SYTL2: variants seen among roughly 807,000 people sequenced by gnomAD.
SYTL2 encodes the protein synaptotagmin like 2.
A neutral mutation model predicts 198.7 loss-of-function variants in SYTL2; 165 were observed. That is an observed-to-expected ratio of 0.83 (90% CI 0.73 to 0.94). The LOEUF (loss-of-function observed/expected upper bound fraction) is 0.94, where lower values mean the gene tolerates loss of function less well. SYTL2 is among the 40% of genes least tolerant of loss of function. The pLI is 0.00. For missense variants in SYTL2, 2,835 were observed against 2,582.8 expected, an observed-to-expected ratio of 1.10 and a Z score of -2.12; for synonymous variants, 966 against 917.7, an observed-to-expected ratio of 1.05 and a Z score of -0.95.
chr11:85,834,772 T>C, the SYTL2 span, among the ~76,000 whole-genome samples: 2 of 148,490 alleles, frequency 1.3e-5, no homozygotes, highest in East Asian at 1.9e-4. Flanking sequence ...TTTTTTTTTT[T>C]CTTTTTTGAG....
rs777944589 is a variant in SYTL2, at chr11:85,724,440, C to T, written c.4918G>A (p.Gly1640Arg). 14 of 1,611,490 alleles carry T rather than the reference C, an allele frequency of 8.7e-6. No individual in the cohort carries two copies. Among genetic ancestry groups the T allele is most frequent in the Non-Finnish European group, 1.2e-5 (14 of 1,179,144 alleles). Residue 1640 changes from glycine to arginine, a missense_variant, in exon 8 of 20, where the codon GGA becomes AGA. By Grantham distance (125) the Gly-to-Arg change is moderately radical. This residue lies in a region of SYTL2 where 2,645 missense variants were observed against 2,381.7 expected (regional missense o/e 1.11). Transcript: ENST00000359152. ...AAATCAGTCACAAGTGCGTCTCCTC[C>T]CAACATTTTATCACATTGGTTGACT... ...SQVNQCDKML[G>R]GDALVTDLLV...
intron 1 of SYTL2, among the ~76,000 whole-genome samples, chr11:85,798,074 G>A (rs922267889): frequency 6.6e-6 from 1 of 151,350 alleles, no homozygotes; most frequent in Non-Finnish European, 1.5e-5. Context: ...GGCCAGACTG[G>A]TTTCAAACTC....
intron 1 of SYTL2, among the ~76,000 whole-genome samples, chr11:85,807,094 C>T (rs1423702347): frequency 2.0e-5 from 3 of 152,238 alleles, no homozygotes; most frequent in African/African-American, 7.2e-5. Flanking sequence ...CAAGCCTCTG[C>T]CTTGCTTAGG....
the SYTL2 span, among the ~76,000 whole-genome samples, chr11:85,834,627 C>T: frequency 6.6e-6 from 1 of 152,076 alleles, no homozygotes; most frequent in South Asian, 2.1e-4. Context: ...ATACTCAATA[C>T]TTTATTATAA....
At chr11:85,822,249 G>A in the SYTL2 span, among the ~76,000 whole-genome samples, 3,234 of 152,164 alleles carry the variant, frequency 0.021, 125 homozygotes, top group African/African-American at 0.073. Flanking sequence ...CAATGATCTC[G>A]GACTCCTAGT....
In SYTL2 at chr11:85,709,396, C is replaced by A. The variant is rs763098120; in HGVS notation, c.5850G>T (p.Leu1950Phe). The A allele has an allele frequency of 6.2e-7, 1 of 1,614,144 alleles. No individual in the cohort carries two copies. Among genetic ancestry groups the A allele is most frequent in the South Asian group, 1.1e-5 (1 of 91,076 alleles). Residue 1950 changes from leucine to phenylalanine, a missense_variant, in exon 14 of 20, where the codon TTG becomes TTT. Leu to Phe is a conservative substitution (Grantham distance 22). Around this residue, in one of 3 missense-constraint regions of SYTL2, gnomAD observed 2,645 missense variants for 2,381.7 expected, o/e 1.11. Transcript: ENST00000359152. Reference protein sequence around the residue: ...AIEYVESLKELHVFVAQCKDL... With the variant: ...AIEYVESLKEFHVFVAQCKDL... ...CCTTACACTGGGCCACAAAAACATG[C>A]AACTCCTTCAGTGACTCCACATATT...
At position 85,714,425 on chromosome 11, in the gene SYTL2, A is replaced by T. The variant is rs1178374621; in HGVS notation, c.5613T>A (p.Phe1871Leu). 6.2e-7 allele frequency: 1 copy of T among 1,613,180 alleles called. No homozygotes were observed. The highest frequency in any genetic ancestry group is 1.1e-5 in the South Asian group (1 of 91,054). Reference sequence around the variant, plus strand: ...AAGACAAACTTGCCTCATCTTGGAGAAATGCTGGAACAGACTTGCTCATCC... The same window carrying T: ...AAGACAAACTTGCCTCATCTTGGAGTAATGCTGGAACAGACTTGCTCATCC... ...LKRMSKSVPAFLQDESDDRET... is the reference protein window; with the variant it reads ...LKRMSKSVPALLQDESDDRET... The change falls in exon 12 of 20, where the codon TTT (phenylalanine) becomes TTA (leucine). Residue 1871 changes from phenylalanine to leucine, a missense_variant. Physicochemically the swap from Phe to Leu is conservative, Grantham distance 22. Coordinates refer to ENST00000359152, the MANE Select transcript of SYTL2 (RefSeq NM_206927.4).
chr11:85,728,143 C>A, intron 7 of SYTL2, 176 bp from the exon 8 acceptor site: 1 of 577,684 alleles, frequency 1.7e-6, no homozygotes, highest in Non-Finnish European at 2.9e-6. Context: ...AGGTATTCTA[C>A]CAAAGGTGCC....
intron 1 of SYTL2, among the ~76,000 whole-genome samples, chr11:85,780,209 G>C (rs569726356): frequency 1.3e-5 from 2 of 152,288 alleles, no homozygotes; most frequent in African/African-American, 4.8e-5. Flanking sequence ...TCTTTCAATA[G>C]TGCTTATGCT....
Position 85,727,510 on chromosome 11 carries a change from C to T in SYTL2, c.1848G>A (p.Met616Ile). 1 of 1,536,028 alleles carries T rather than the reference C, an allele frequency of 6.5e-7. No homozygotes were observed. Among genetic ancestry groups the T allele is most frequent in the Non-Finnish European group, 8.7e-7 (1 of 1,146,880 alleles). The part of the protein sequence containing the change: ...DNNVNIKSKF[M>I]NLSQKGTPKE... ...TTGGGGTGCCTTTTTGGGACAAATT[C>T]ATGAATTTGGATTTGATATTCACAT... The change falls in exon 8 of 20, where the codon ATG becomes ATA. Residue 616 changes from methionine to isoleucine, a missense_variant. By Grantham distance (10) the Met-to-Ile change is conservative. Around this residue, in one of 3 missense-constraint regions of SYTL2, gnomAD observed 2,645 missense variants for 2,381.7 expected, o/e 1.11. Transcript: ENST00000359152.
the SYTL2 span, among the ~76,000 whole-genome samples, chr11:85,837,687 C>T: frequency 6.6e-6 from 1 of 152,180 alleles, no homozygotes; most frequent in Non-Finnish European, 1.5e-5. Flanking sequence ...ACTGCTATGA[C>T]TCCAAATCTG....
At chr11:85,845,088 C>T in the SYTL2 span, among the ~76,000 whole-genome samples, 1 of 152,212 alleles carries the variant, frequency 6.6e-6, no homozygotes, top group African/African-American at 2.4e-5. Context: ...CAAGTTCCTG[C>T]TCATTGTCAA....
chr11:85,787,323 T>C (rs1160232930), intron 1 of SYTL2, among the ~76,000 whole-genome samples: 1 of 152,218 alleles, frequency 6.6e-6, no homozygotes, highest in African/African-American at 2.4e-5. Flanking sequence ...AGATGATCAC[T>C]AAATGTTTTC....
rs558762355 is a variant in SYTL2 at position 85,808,224 on chromosome 11, G to A, written c.-390+2730C>T. ...TGGGACTACAGGCGCATGCCACCACGCGCAGCTAAGTTTTGTATTTTTAGT... is the reference window on the plus strand; with the variant it reads ...TGGGACTACAGGCGCATGCCACCACACGCAGCTAAGTTTTGTATTTTTAGT... On this transcript the variant is annotated intron_variant, in intron 1 of 19. Coordinates refer to ENST00000359152, the MANE Select transcript of SYTL2 (RefSeq NM_206927.4). Among the ~76,000 whole-genome samples the A allele has an allele frequency of 1.8e-4, 28 of 152,056 alleles. 1 individual carries two copies. The South Asian group carries it at 3.5e-3, about 19-fold the overall frequency.
At chr11:85,739,696 C>G (rs1020909278) in intron 4 of SYTL2, among the ~76,000 whole-genome samples, 1 of 152,156 alleles carries the variant, frequency 6.6e-6, no homozygotes, top group African/African-American at 2.4e-5. Flanking sequence ...ATCATTTTAT[C>G]TATCATTCTC....
At chr11:85,764,171 C>CA (rs2092175620) in intron 1 of SYTL2, among the ~76,000 whole-genome samples, 1 of 152,164 alleles carries the variant, frequency 6.6e-6, no homozygotes, top group South Asian at 2.1e-4. Flanking sequence ...TAATAGTTTA[C>CA]AAAAAAGATG....
chr11:85,852,301 T>C, the SYTL2 span, among the ~76,000 whole-genome samples: 41 of 152,280 alleles, frequency 2.7e-4, no homozygotes, highest in Middle Eastern at 3.4e-3. Context: ...TTGACTGAAA[T>C]GTAACTACCA....
In SYTL2 at chr11:85,724,193, A is replaced by G. The variant is rs1156307285; in HGVS notation, c.5165T>C (p.Leu1722Pro). Residue 1722 changes from leucine to proline, a missense_variant, in exon 8 of 20, where the codon CTG becomes CCG. Around this residue, in one of 3 missense-constraint regions of SYTL2, gnomAD observed 2,645 missense variants for 2,381.7 expected, o/e 1.11. Coordinates refer to ENST00000359152, the MANE Select transcript of SYTL2 (RefSeq NM_206927.4). ...TTTTGTAGAGTTTTCTTTGTTCATC[A>G]GGAGAGGAATGGGTTGCCTATTTCT... Reference protein sequence around the residue: ...VSRNRQPIPLLMNKENSTKTS... With the variant: ...VSRNRQPIPLPMNKENSTKTS... 6.2e-7 allele frequency: 1 copy of G among 1,602,798 alleles called. No homozygotes were observed. Among genetic ancestry groups the G allele is most frequent in the Non-Finnish European group, 8.5e-7 (1 of 1,177,060 alleles).
intron 13 of SYTL2, 147 bp downstream of exon 13, chr11:85,710,966 T>C: frequency 1.3e-6 from 1 of 773,632 alleles, no homozygotes; most frequent in South Asian, 2.5e-5. Context: ...AAGATAGATG[T>C]AGCTAGCCAG....
Sources: gnomAD v4.1 joint callset for allele counts (sites outside exome capture counted in the v4.1 genomes callset) on GRCh38, gnomAD v4.1.1 for gene constraint, gnomAD v4.1.1 regional missense constraint, MANE v1.5 for transcripts, NCBI Gene and HGNC (gene_info 2026-07-23, HGNC 2026-07-21) for gene names.